The following UNC13B variants were observed in gnomAD, a reference collection of about 807,000 sequenced individuals.
The protein encoded by UNC13B is unc-13 homolog B.
Under a neutral mutation model 211.0 loss-of-function variants are expected in UNC13B, and 144 were observed. That is an observed-to-expected ratio of 0.68 (90% CI 0.60 to 0.78). The LOEUF is 0.78. Ranked by LOEUF, UNC13B falls within the 30% of genes least tolerant of loss-of-function variation. UNC13B has a pLI of 0.00. For synonymous variants in UNC13B, 709 were observed against 725.8 expected, an observed-to-expected ratio of 0.98 and a Z score of 0.37; for missense variants, 1,777 against 2,002.0, an observed-to-expected ratio of 0.89 and a Z score of 2.14.
chr9:35,267,102 A>T (rs1827621191), intron 7 of UNC13B, among the ~76,000 whole-genome samples: 1 of 152,234 alleles, frequency 6.6e-6, no homozygotes, highest in African/African-American at 2.4e-5. Context: ...GGGGAGATAC[A>T]TTGGGACCTT....
chr9:35,339,037 G>A (rs947208659), intron 11 of UNC13B, among the ~76,000 whole-genome samples: 3 of 152,250 alleles, frequency 2.0e-5, no homozygotes, highest in Non-Finnish European at 4.4e-5. Context: ...TAGAACTCCT[G>A]CAGGTCTGAA....
At chr9:35,205,387 G>A (rs974273045) in intron 1 of UNC13B, among the ~76,000 whole-genome samples, 3 of 152,142 alleles carry the variant, frequency 2.0e-5, no homozygotes, top group African/African-American at 7.2e-5. Context: ...TTGAGGTGTA[G>A]TTTGCATACC....
chr9:35,196,487 G>T (rs906845577), intron 1 of UNC13B, among the ~76,000 whole-genome samples: 3 of 152,266 alleles, frequency 2.0e-5, no homozygotes, highest in African/African-American at 7.2e-5. Flanking sequence ...TTTTTTTGAG[G>T]GTTAGGTACA....
Position 35,378,301 on chromosome 9 carries a change from G to A in UNC13B, c.10070G>A (p.Cys3357Tyr). The change falls in exon 17 of 40, where the codon TGT (cysteine) becomes TAT (tyrosine). Residue 3357 changes from cysteine (C) to tyrosine (Y), a missense_variant. Physicochemically the swap from Cys to Tyr is radical, Grantham distance 194. Transcript: ENST00000635942. ...ATACATGCTTGGGTTGCAGTGGTGT[G>A]TGCCCAGGGCCTACAAGCCAAGGAC... is the stretch of plus-strand genomic sequence containing the variant. Reference protein sequence around the residue: ...WSAKITITVVCAQGLQAKDKT... With the variant: ...WSAKITITVVYAQGLQAKDKT... The A allele has an allele frequency of 6.2e-7, 1 of 1,614,192 alleles. No homozygotes were observed. Among genetic ancestry groups the A allele is most frequent in the East Asian group, 2.2e-5 (1 of 44,884 alleles).
At chr9:35,328,221 ACCGTGTTGG>A (rs551624233) in intron 11 of UNC13B, among the ~76,000 whole-genome samples, 29 of 152,190 alleles carry the variant, frequency 1.9e-4, no homozygotes, top group Admixed American at 5.9e-4. Context: ...ATGGGGTTTG[ACCGTGTTGG>A]CCAGGCTGGT....
Position 35,399,210 on chromosome 9 carries a change from C to A in UNC13B, c.12124C>A (p.Leu4042Met). 1 of 1,614,162 alleles carries A rather than the reference C, an allele frequency of 6.2e-7. No individual in the cohort carries two copies. Among genetic ancestry groups the A allele is most frequent in the East Asian group, 2.2e-5 (1 of 44,876 alleles). The change falls in exon 34 of 40, where the codon CTG becomes ATG. Residue 4042 changes from leucine to methionine, a missense_variant. Coordinates refer to ENST00000635942, the MANE Select transcript of UNC13B (RefSeq NM_001371189.2). ...TGAGAAGACGGTTCTGAAGCGTGTACTGAAGGAGCTCTGGCGCGTGGTGAT... is the reference window on the plus strand; with the variant it reads ...TGAGAAGACGGTTCTGAAGCGTGTAATGAAGGAGCTCTGGCGCGTGGTGAT... ...VCEKTVLKRV[L>M]KELWRVVMNT...
intron 11 of UNC13B, among the ~76,000 whole-genome samples, chr9:35,318,539 G>A (rs1193776823): frequency 6.6e-6 from 1 of 152,060 alleles, no homozygotes; most frequent in Admixed American, 6.5e-5. Context: ...ACAAAAGATG[G>A]TATATTATAC....
Position 35,398,877 on chromosome 9 carries a change from T to G in UNC13B, c.11922-5T>G, listed in dbSNP as rs749421158. The G allele has an allele frequency of 6.8e-6, 11 of 1,612,320 alleles. No homozygotes were observed. The highest frequency in any genetic ancestry group is 9.3e-6 in the Non-Finnish European group (11 of 1,178,970). ...GGAAAGGCTACACTGCGGGCACATG[T>G]GTAGTTTCCAGGTACGGATTGATGA... is the stretch of plus-strand genomic sequence containing the variant. On this transcript the variant is annotated splice_polypyrimidine_tract_variant and splice_region_variant and intron_variant, in intron 32 of 39. Transcript: ENST00000635942.
At chr9:35,261,425 T>C (rs1382217076) in intron 7 of UNC13B, among the ~76,000 whole-genome samples, 1 of 152,130 alleles carries the variant, frequency 6.6e-6, no homozygotes, top group Admixed American at 6.6e-5. Flanking sequence ...AACTCCCTAA[T>C]TGTCCCCAAA....
chr9:35,239,835 G>A (rs568109904), intron 5 of UNC13B, among the ~76,000 whole-genome samples: 199 of 152,224 alleles, frequency 1.3e-3, no homozygotes, highest in African/African-American at 4.0e-3. Context: ...TGTTCCGCCC[G>A]GCCCACAGGC....
chr9:35,356,638 A>G (rs895185148), intron 11 of UNC13B, among the ~76,000 whole-genome samples: 16 of 152,298 alleles, frequency 1.1e-4, no homozygotes, highest in Admixed American at 6.5e-4. Context: ...TTCACCTTAA[A>G]GTCCCTTAAA....
At chr9:35,184,860 AGAAAGG>A (rs1171546172) in intron 1 of UNC13B, among the ~76,000 whole-genome samples, 1 of 151,360 alleles carries the variant, frequency 6.6e-6, no homozygotes, top group Non-Finnish European at 1.5e-5. Flanking sequence ...AAAGAAAGAA[AGAAAGG>A]GGAGAGGGAG....
At chr9:35,265,100 A>G (rs950696471) in intron 7 of UNC13B, among the ~76,000 whole-genome samples, 2 of 152,196 alleles carry the variant, frequency 1.3e-5, no homozygotes, top group South Asian at 2.1e-4. Context: ...TTGGGATGGA[A>G]TGAATGTATC....
At chr9:35,218,492 G>T (rs972900860) in intron 1 of UNC13B, among the ~76,000 whole-genome samples, 2 of 151,742 alleles carry the variant, frequency 1.3e-5, no homozygotes, top group African/African-American at 4.8e-5. Context: ...GAGTGCAGTG[G>T]CATGATCAAG....
At chr9:35,286,882 G>A (rs1381942418) in intron 7 of UNC13B, among the ~76,000 whole-genome samples, 1 of 152,024 alleles carries the variant, frequency 6.6e-6, no homozygotes, top group Non-Finnish European at 1.5e-5. Context: ...ACCTTGTTCT[G>A]TGTATTTCTT....
At chr9:35,349,810 A>G (rs530854000) in intron 11 of UNC13B, among the ~76,000 whole-genome samples, 7 of 152,180 alleles carry the variant, frequency 4.6e-5, no homozygotes, top group South Asian at 4.1e-4. Flanking sequence ...GGGAAGCACA[A>G]TGCTTTTAAA....
At chr9:35,382,593 C>T (rs1216590389) in intron 21 of UNC13B, 86 bp downstream of exon 21, 32 of 1,458,770 alleles carry the variant, frequency 2.2e-5, no homozygotes, top group Admixed American at 1.6e-4. Flanking sequence ...GACAGAGTCT[C>T]GCTCTGTTGC....
chr9:35,402,354 C>T (rs1242958684), intron 37 of UNC13B, among the ~76,000 whole-genome samples: 1 of 151,218 alleles, frequency 6.6e-6, no homozygotes, highest in African/African-American at 2.4e-5. Flanking sequence ...CGATCTCTGC[C>T]CACTGCAAGC....
chr9:35,358,436 C>T (rs897999680), intron 11 of UNC13B, among the ~76,000 whole-genome samples: 2 of 152,180 alleles, frequency 1.3e-5, no homozygotes, highest in African/African-American at 2.4e-5. Flanking sequence ...GGGTTCCTTC[C>T]AATTTCTCTA....
Sources: allele counts gnomAD v4.1 joint callset (sites outside exome capture counted in the v4.1 genomes callset), GRCh38; gene constraint gnomAD v4.1.1; transcripts MANE v1.5; gene names NCBI Gene and HGNC (gene_info 2026-07-23, HGNC 2026-07-21).